RUBCNL: variants seen among roughly 807,000 people sequenced by gnomAD.
RUBCNL encodes the protein protein associated with UVRAG as autophagy enhancer.
RUBCNL carries 62 observed loss-of-function variants against 69.5 expected under a neutral mutation model. The observed-to-expected ratio is 0.89, with a 90% CI of 0.73 to 1.10. The LOEUF is 1.10. Ranked by LOEUF, RUBCNL falls within the 50% of genes least tolerant of loss-of-function variation. The pLI, the probability that RUBCNL is intolerant of heterozygous loss-of-function variation, is 0.00. For synonymous variants in RUBCNL, 291 were observed against 303.6 expected, an observed-to-expected ratio of 0.96 and a Z score of 0.43; for missense variants, 768 against 798.1, an observed-to-expected ratio of 0.96 and a Z score of 0.45.
At chr13:46,347,856 G>C (rs1159333634) in intron 12 of RUBCNL, among the ~76,000 whole-genome samples, 1 of 152,162 alleles carries the variant, frequency 6.6e-6, no homozygotes, top group Non-Finnish European at 1.5e-5. Flanking sequence ...AGCCGGATGT[G>C]GTTGCGGGCG....
At chr13:46,348,163 G>C (rs1594133221) in intron 12 of RUBCNL, among the ~76,000 whole-genome samples, 1 of 152,280 alleles carries the variant, frequency 6.6e-6, no homozygotes, top group East Asian at 1.9e-4. Flanking sequence ...AATAGTGGCT[G>C]CCAGGAGTTA....
rs2048096151 is a variant in RUBCNL, at chr13:46,335,201, AATACTG to A, written c.*8178_*8183del. ...CACCTCAGCCTCCTGGGTAGCTGGGAATACTGGCACACACCATTGTGCCCAGCTAAT... is the reference window on the plus strand; with the variant it reads ...CACCTCAGCCTCCTGGGTAGCTGGGAGCACACACCATTGTGCCCAGCTAAT... On this transcript the variant is annotated 3_prime_UTR_variant, in exon 15 of 15. Transcript: ENST00000429979. Among the ~76,000 whole-genome samples, 1 of 151,144 alleles carries A rather than the reference AATACTG, an allele frequency of 6.6e-6. No individual in the cohort carries two copies. The highest frequency in any genetic ancestry group is 1.5e-5 in the Non-Finnish European group (1 of 67,942).
intron 10 of RUBCNL, 72 bp downstream of exon 10, chr13:46,356,360 T>G: frequency 1.4e-6 from 2 of 1,435,424 alleles, no homozygotes. Context: ...ACACAAGCAA[T>G]GCGCTGCCCT....
intron 7 of RUBCNL, 54 bp from the exon 8 acceptor site, chr13:46,361,627 C>A: frequency 6.5e-7 from 1 of 1,537,748 alleles, no homozygotes; most frequent in South Asian, 1.2e-5. Flanking sequence ...GGAGTATGTT[C>A]AGGGTCTTCC....
rs761403819 is a variant in RUBCNL at position 46,336,973 on chromosome 13, T to C, written c.*6412A>G. The stretch of plus-strand genomic sequence containing the variant: ...GACTGTTATGGACTGAATATTTATA[T>C]CTCCTCAAAAGTCATGTGTTGAAGA... On this transcript the variant is annotated 3_prime_UTR_variant, in exon 15 of 15. Coordinates refer to ENST00000429979, the MANE Select transcript of RUBCNL (RefSeq NM_025113.5). 1.3e-5 allele frequency among the ~76,000 whole-genome samples: 2 copies of C among 151,974 alleles called. No individual in the cohort carries two copies. Among genetic ancestry groups the C allele is most frequent in the Non-Finnish European group, 2.9e-5 (2 of 68,008 alleles).
chr13:46,348,827 C>A (rs1184123275), intron 12 of RUBCNL, among the ~76,000 whole-genome samples: 1 of 152,114 alleles, frequency 6.6e-6, no homozygotes, highest in Admixed American at 6.5e-5. Context: ...TGGTCTCGAT[C>A]TCTTGACCTC....
Position 46,337,454 on chromosome 13 carries a change from C to A in RUBCNL, c.*5931G>T, listed in dbSNP as rs1367080345. On this transcript the variant is annotated 3_prime_UTR_variant, in exon 15 of 15. Coordinates refer to ENST00000429979, the MANE Select transcript of RUBCNL (RefSeq NM_025113.5). ...ACAAGTGTGAGCCACCGTGCCTGGT[C>A]CGCTCTCTCTCCTTTCTACCATGTA... is the stretch of plus-strand genomic sequence containing the variant. Among the ~76,000 whole-genome samples the A allele has an allele frequency of 6.6e-6, 1 of 152,034 alleles. No homozygotes were observed. The highest frequency in any genetic ancestry group is 2.4e-5 in the African/African-American group (1 of 41,384).
In RUBCNL at chr13:46,343,341, T is replaced by C. The variant is rs368184780; in HGVS notation, c.*44A>G. 3.8e-6 allele frequency: 6 copies of C among 1,596,688 alleles called. No individual in the cohort carries two copies. The highest frequency in any genetic ancestry group is 5.1e-6 in the Non-Finnish European group (6 of 1,169,828). On this transcript the variant is annotated 3_prime_UTR_variant, in exon 15 of 15. Coordinates refer to ENST00000429979, the MANE Select transcript of RUBCNL (RefSeq NM_025113.5). The stretch of plus-strand genomic sequence containing the variant: ...CAATAATAGACACAAATCGGTGTTA[T>C]CATAAGGCATGTTGAACAGTCTTTT...
intron 5 of RUBCNL, 128 bp downstream of exon 5, chr13:46,367,914 G>T: frequency 1.2e-6 from 1 of 850,998 alleles, no homozygotes; most frequent in Non-Finnish European, 1.9e-6. Context: ...TATAGAGTTT[G>T]GTACTATCTG....
At chr13:46,369,859 A>G (rs1000060757) in intron 3 of RUBCNL, among the ~76,000 whole-genome samples, 1 of 152,220 alleles carries the variant, frequency 6.6e-6, no homozygotes, top group African/African-American at 2.4e-5. Flanking sequence ...CCCTTGCTTC[A>G]TGTTCAAGAA....
rs558035155 is a variant in RUBCNL at position 46,337,514 on chromosome 13, GA to G, written c.*5870del. Among the ~76,000 whole-genome samples, 393 of 152,270 alleles carry G rather than the reference GA, an allele frequency of 2.6e-3. 1 individual carries two copies. Among genetic ancestry groups the G allele is most frequent in the Admixed American group, 5.2e-3 (80 of 15,282 alleles). On this transcript the variant is annotated 3_prime_UTR_variant, in exon 15 of 15. Transcript: ENST00000429979. ...TGAGATAGTGCCATCTATGAACCAGGAAGTGGTCCCTCAATAGACATCAAAT... is the reference window on the plus strand; with the variant it reads ...TGAGATAGTGCCATCTATGAACCAGGAGTGGTCCCTCAATAGACATCAAAT...
At chr13:46,362,272 C>T (rs1309731957) in intron 7 of RUBCNL, among the ~76,000 whole-genome samples, 3 of 152,008 alleles carry the variant, frequency 2.0e-5, no homozygotes, top group Admixed American at 2.0e-4. Context: ...AATATACACA[C>T]ACATGCATAC....
intron 12 of RUBCNL, among the ~76,000 whole-genome samples, chr13:46,346,352 T>G (rs1300031545): frequency 6.6e-6 from 1 of 152,126 alleles, no homozygotes; most frequent in African/African-American, 2.4e-5. Flanking sequence ...TTGCTCCACC[T>G]TACTCTTCAA....
intron 8 of RUBCNL, among the ~76,000 whole-genome samples, chr13:46,360,665 C>T (rs1052284947): frequency 6.6e-6 from 1 of 152,234 alleles, no homozygotes; most frequent in East Asian, 1.9e-4. Flanking sequence ...TAAAATTAAA[C>T]ACTCCTTCCT....
intron 2 of RUBCNL, among the ~76,000 whole-genome samples, chr13:46,377,475 G>T (rs2049020228): frequency 2.0e-5 from 3 of 152,174 alleles, no homozygotes; most frequent in Admixed American, 2.0e-4. Flanking sequence ...TGTTGGCCAG[G>T]TTGGTCTCAA....
chr13:46,378,039 G>C, intron 1 of RUBCNL, 34 bp from the exon 2 acceptor site: 1 of 1,105,264 alleles, frequency 9.0e-7, no homozygotes, highest in Non-Finnish European at 1.3e-6. Context: ...CAGATGCTAT[G>C]ATACCACTGC....
At chr13:46,352,078 T>C (rs1175449289) in intron 10 of RUBCNL, among the ~76,000 whole-genome samples, 2 of 152,224 alleles carry the variant, frequency 1.3e-5, no homozygotes, top group Non-Finnish European at 2.9e-5. Flanking sequence ...TCCACTCATG[T>C]TGGCCTCCCA....
intron 6 of RUBCNL, among the ~76,000 whole-genome samples, 152 bp downstream of exon 6, chr13:46,362,963 T>TATATATATAG (rs1566077920): frequency 3.0e-5 from 3 of 98,704 alleles, no homozygotes; most frequent in South Asian, 3.0e-4. Context: ...TATATATATA[T>TATATATATAG]ATATATATAT....
In RUBCNL at chr13:46,342,392, C is replaced by G. The variant is rs963317111; in HGVS notation, c.*993G>C. 1 of 152,094 alleles carries G rather than the reference C, an allele frequency of 6.6e-6. No individual in the cohort carries two copies. The highest frequency in any genetic ancestry group is 2.4e-5 in the African/African-American group (1 of 41,398). The allele number at this position is 152,094 out of a possible 1,614,324, so 9.4% of individuals were successfully genotyped here. On this transcript the variant is annotated 3_prime_UTR_variant, in exon 15 of 15. Transcript: ENST00000429979. Reference sequence around the variant, plus strand: ...GGTATACCATGAAGGGACCCAGCCTCAAGGCCCCTTTCTCAAGTGGGAGAA... The same window carrying G: ...GGTATACCATGAAGGGACCCAGCCTGAAGGCCCCTTTCTCAAGTGGGAGAA...
Sources: allele counts gnomAD v4.1 joint callset (sites outside exome capture counted in the v4.1 genomes callset), GRCh38; gene constraint gnomAD v4.1.1; transcripts MANE v1.5; gene names NCBI Gene and HGNC (gene_info 2026-07-23, HGNC 2026-07-21).